The following CSMD1 variants were observed in gnomAD, a reference collection of about 807,000 sequenced individuals.
CSMD1 encodes CUB and sushi domain-containing protein 1.
A neutral mutation model predicts 417.5 loss-of-function variants in CSMD1; 213 were observed. That is an observed-to-expected ratio of 0.51 (90% CI 0.46 to 0.57). The LOEUF (loss-of-function observed/expected upper bound fraction) is 0.57, where lower values mean the gene tolerates loss of function less well. Ranked by LOEUF, CSMD1 falls within the 20% of genes least tolerant of loss-of-function variation. The probability of loss-of-function intolerance (pLI) is 0.00; values close to 1 mark genes in which losing one functional copy is unlikely to be tolerated. For synonymous variants in CSMD1, 2,862 were observed against 1,736.8 expected (o/e 1.65, Z -16.11); for missense variants, 6,923 against 4,529.7 (o/e 1.53, Z -15.17).
At chr8:3,221,572 C>T (rs1160559756) in intron 28 of CSMD1, among the ~76,000 whole-genome samples, 2 of 148,282 alleles carry the variant, frequency 1.3e-5, no homozygotes, top group Non-Finnish European at 3.0e-5. Context: ...ACTATATATC[C>T]CATCTGCTCT....
intron 3 of CSMD1, among the ~76,000 whole-genome samples, chr8:4,184,835 T>G (rs985206668): frequency 1.3e-5 from 2 of 151,878 alleles, no homozygotes; most frequent in African/African-American, 4.8e-5. Flanking sequence ...TACCCCTGAA[T>G]TTAAAATACC....
At chr8:3,523,389 A>G (rs772873780) in intron 10 of CSMD1, among the ~76,000 whole-genome samples, 16 of 152,248 alleles carry the variant, frequency 1.1e-4, no homozygotes, top group Non-Finnish European at 1.8e-4. Flanking sequence ...AGGGACAAAG[A>G]AAGCTCTCAA....
At chr8:3,735,188 G>A (rs1360984258) in intron 6 of CSMD1, among the ~76,000 whole-genome samples, 6 of 152,276 alleles carry the variant, frequency 3.9e-5, no homozygotes, top group Non-Finnish European at 7.4e-5. Context: ...TCAGGCACAC[G>A]GTAACGGGCA....
chr8:3,714,373 A>G (rs1159369532), intron 6 of CSMD1, among the ~76,000 whole-genome samples: 1 of 150,902 alleles, frequency 6.6e-6, no homozygotes, highest in Non-Finnish European at 1.5e-5. Flanking sequence ...TATCACAGCA[A>G]ATGGAATTTC....
intron 6 of CSMD1, among the ~76,000 whole-genome samples, chr8:3,725,895 T>C (rs1802465665): frequency 6.6e-6 from 1 of 152,206 alleles, no homozygotes; most frequent in Non-Finnish European, 1.5e-5. Context: ...CTTGAAAAGA[T>C]GGAGCCTACT....
At chr8:4,590,064 G>A (rs912751256) in intron 2 of CSMD1, among the ~76,000 whole-genome samples, 2 of 152,156 alleles carry the variant, frequency 1.3e-5, no homozygotes, top group Non-Finnish European at 2.9e-5. Flanking sequence ...TTATTTTGTG[G>A]TGGTAACATG....
intron 18 of CSMD1, among the ~76,000 whole-genome samples, chr8:3,380,173 T>C (rs1428135920): frequency 1.3e-5 from 2 of 152,052 alleles, no homozygotes; most frequent in Non-Finnish European, 2.9e-5. Flanking sequence ...GAAATGCACA[T>C]CGAAACCACA....
At position 3,141,091 on chromosome 8, in the gene CSMD1, G is replaced by A. The variant is rs956859186; in HGVS notation, c.6241+1374C>T. On this transcript the variant is annotated intron_variant, in intron 41 of 69. Transcript: ENST00000635120. ...TGTGTCCTGAAGGGACGAGAGCTCA[G>A]AGGGACATAGTGACAAATGGGAAAG... is the stretch of plus-strand genomic sequence containing the variant. Among the ~76,000 whole-genome samples, 3 of 152,190 alleles carry A rather than the reference G, an allele frequency of 2.0e-5. No individual in the cohort carries two copies. In the South Asian group the frequency reaches 6.2e-4, roughly 31 times the overall value.
At chr8:4,929,546 C>A (rs1413792621) in intron 1 of CSMD1, among the ~76,000 whole-genome samples, 1 of 152,148 alleles carries the variant, frequency 6.6e-6, no homozygotes, top group Non-Finnish European at 1.5e-5. Context: ...GTAACACTCA[C>A]CTCAGTGTAG....
At chr8:4,335,236 T>C (rs940576807) in intron 3 of CSMD1, among the ~76,000 whole-genome samples, 1 of 152,060 alleles carries the variant, frequency 6.6e-6, no homozygotes, top group African/African-American at 2.4e-5. Flanking sequence ...CTGATCCCAT[T>C]TGTGAACACT....
chr8:4,821,475 G>A (rs118044629), intron 1 of CSMD1, among the ~76,000 whole-genome samples: 151 of 152,206 alleles, frequency 9.9e-4, no homozygotes, highest in Middle Eastern at 3.4e-3. Flanking sequence ...TACAGGGAAC[G>A]CACTTTTCTC....
chr8:3,340,608 G>C (rs562471893), intron 23 of CSMD1, among the ~76,000 whole-genome samples: 1 of 152,036 alleles, frequency 6.6e-6, no homozygotes, highest in Non-Finnish European at 1.5e-5. Context: ...TTATCTAACC[G>C]GTCATCATTT....
intron 1 of CSMD1, among the ~76,000 whole-genome samples, chr8:4,763,309 C>T (rs1812237812): frequency 6.6e-6 from 1 of 152,142 alleles, no homozygotes; most frequent in Admixed American, 6.6e-5. Flanking sequence ...AACTCTTTCC[C>T]TCCTGAATGA....
chr8:3,972,954 A>T (rs1813186711), intron 5 of CSMD1, among the ~76,000 whole-genome samples: 1 of 152,226 alleles, frequency 6.6e-6, no homozygotes, highest in African/African-American at 2.4e-5. Flanking sequence ...AATGAAATAA[A>T]AATTACTCAC....
At chr8:3,930,087 G>C (rs1017378934) in intron 5 of CSMD1, among the ~76,000 whole-genome samples, 8 of 150,228 alleles carry the variant, frequency 5.3e-5, no homozygotes, top group African/African-American at 1.7e-4. Context: ...TTTCTTCCTT[G>C]GAAGATTATC....
chr8:4,769,770 T>G (rs1796511699), intron 1 of CSMD1, among the ~76,000 whole-genome samples: 3 of 152,178 alleles, frequency 2.0e-5, no homozygotes. Context: ...CTCCCTTGCC[T>G]TTTACAATGT....
intron 6 of CSMD1, among the ~76,000 whole-genome samples, chr8:3,715,232 G>A (rs1164202704): frequency 6.6e-6 from 1 of 152,144 alleles, no homozygotes; most frequent in Non-Finnish European, 1.5e-5. Context: ...AAATTTCTAA[G>A]TAAGCGTTGA....
At position 3,772,611 on chromosome 8, in the gene CSMD1, T is replaced by G. The variant is rs551085392; in HGVS notation, c.819-18569A>C. On this transcript the variant is annotated intron_variant, in intron 5 of 69. Coordinates refer to ENST00000635120, the MANE Select transcript of CSMD1 (RefSeq NM_033225.6). The stretch of plus-strand genomic sequence containing the variant: ...TTTATATACATATATACACATATAT[T>G]TATATACATATATACACATATATTT... 2.5e-4 allele frequency among the ~76,000 whole-genome samples: 34 copies of G among 135,568 alleles called. 3 individuals are homozygous for G. The East Asian group carries it at 7.1e-3, about 28-fold the overall frequency. 88.9% of individuals were successfully genotyped at this position (135,568 alleles called of 152,430 possible). A position where few individuals can be genotyped will look rare whatever the true frequency, so the allele number is the denominator to read the frequency against.
chr8:3,053,240 G>A (rs539196809), intron 49 of CSMD1, among the ~76,000 whole-genome samples: 64 of 152,260 alleles, frequency 4.2e-4, no homozygotes, highest in Admixed American at 1.0e-3. Flanking sequence ...CAGCTTAGCC[G>A]CAGTCTGACA....
Sources: allele counts gnomAD v4.1 joint callset (sites outside exome capture counted in the v4.1 genomes callset), GRCh38; gene constraint gnomAD v4.1.1; transcripts MANE v1.5; gene names NCBI Gene and HGNC (gene_info 2026-07-23, HGNC 2026-07-21).